KDM2B: variants seen among roughly 807,000 people sequenced by gnomAD.
KDM2B encodes lysine-specific demethylase 2B.
KDM2B carries 26 observed loss-of-function variants against 150.0 expected under a neutral mutation model. The ratio of observed to expected loss-of-function variants is 0.17; its 90% CI spans 0.13 to 0.24. KDM2B has a LOEUF of 0.24. Ranked by LOEUF, KDM2B falls within the 10% of genes least tolerant of loss-of-function variation. The probability of loss-of-function intolerance (pLI) is 1.00; values close to 1 mark genes in which losing one functional copy is unlikely to be tolerated. For missense variants in KDM2B, 1,265 were observed against 1,816.9 expected (o/e 0.70, Z 5.52); for synonymous variants, 734 against 729.5 (o/e 1.01, Z -0.10).
Position 121,515,673 on chromosome 12 carries a change from G to A in KDM2B, c.1048-2271C>T, listed in dbSNP as rs371238007. 2.6e-4 allele frequency among the ~76,000 whole-genome samples: 40 copies of A among 151,738 alleles called. No individual in the cohort carries two copies. In the East Asian group the frequency reaches 4.2e-3, roughly 16 times the overall value. On this transcript the variant is annotated intron_variant, in intron 9 of 22. Coordinates refer to ENST00000377071, the MANE Select transcript of KDM2B (RefSeq NM_032590.5). Reference sequence around the variant, plus strand: ...TTTTGCTGCATTTCTCAAAGTGCCCGTCTGGAAAAGGCCCAAACCCAGCGT... The same window carrying A: ...TTTTGCTGCATTTCTCAAAGTGCCCATCTGGAAAAGGCCCAAACCCAGCGT...
chr12:121,524,719 C>T (rs151150588), intron 8 of KDM2B: 4 of 453,914 alleles, frequency 8.8e-6, no homozygotes, highest in Non-Finnish European at 1.8e-5. Flanking sequence ...GCATGAGAGC[C>T]GGTGCTCCCA....
At chr12:121,461,597 G>A (rs1397133539) in intron 12 of KDM2B, among the ~76,000 whole-genome samples, 2 of 152,110 alleles carry the variant, frequency 1.3e-5, no homozygotes, top group Non-Finnish European at 2.9e-5. Context: ...CAGACTTCTG[G>A]AGGACTTTGA....
intron 11 of KDM2B, among the ~76,000 whole-genome samples, chr12:121,499,030 C>T (rs1278635678): frequency 6.6e-6 from 1 of 151,702 alleles, no homozygotes; most frequent in Non-Finnish European, 1.5e-5. Flanking sequence ...AGGTTGGTCT[C>T]AAATTCCTAC....
At position 121,430,248 on chromosome 12, in the gene KDM2B, C is replaced by G. The variant is rs1872783840; in HGVS notation, c.*40G>C. Reference sequence around the variant, plus strand: ...CCCTCATTTTTGTAAAGTCTCTCCCCTCCCAGAGCCCGCCCCGTATTTACA... The same window carrying G: ...CCCTCATTTTTGTAAAGTCTCTCCCGTCCCAGAGCCCGCCCCGTATTTACA... On this transcript the variant is annotated 3_prime_UTR_variant, in exon 23 of 23. Coordinates refer to ENST00000377071, the MANE Select transcript of KDM2B (RefSeq NM_032590.5). This position sits in a 1 kb window ranked among gnomAD's most constrained non-coding sequence, Gnocchi z 4.4. The G allele has an allele frequency of 3.1e-6, 5 of 1,614,150 alleles. No individual in the cohort carries two copies. The highest frequency in any genetic ancestry group is 4.2e-6 in the Non-Finnish European group (5 of 1,180,020).
chr12:121,580,117 G>A (rs1372069588), intron 1 of KDM2B: 8 of 1,575,654 alleles, frequency 5.1e-6, no homozygotes, highest in Non-Finnish European at 6.8e-6. Flanking sequence ...GCCGAGGGGG[G>A]AAGGAGGGAA....
At chr12:121,477,128 A>G (rs1881472806) in intron 12 of KDM2B, among the ~76,000 whole-genome samples, 1 of 151,966 alleles carries the variant, frequency 6.6e-6, no homozygotes, top group Admixed American at 6.6e-5. Flanking sequence ...GCTGGAGTGC[A>G]GTGGTGCCAA....
chr12:121,493,653 C>CTTGACCTT (rs1883599790), intron 12 of KDM2B, among the ~76,000 whole-genome samples: 1 of 152,082 alleles, frequency 6.6e-6, no homozygotes, highest in Non-Finnish European at 1.5e-5. Context: ...TAACGGGTGA[C>CTTGACCTT]TTGACCTTTT....
chr12:121,415,447 C>CTGTCT, the KDM2B span: 2 of 188,362 alleles, frequency 1.1e-5, no homozygotes, highest in Non-Finnish European at 1.2e-5. Context: ...ATGGTGAAAC[C>CTGTCT]CAATCTCTAC....
At chr12:121,485,190 A>G (rs1456835500) in intron 12 of KDM2B, among the ~76,000 whole-genome samples, 1 of 152,244 alleles carries the variant, frequency 6.6e-6, no homozygotes, top group East Asian at 1.9e-4. Context: ...ATGAAGCCCT[A>G]GTCGACTAAT....
chr12:121,477,917 A>T (rs1431972471), intron 12 of KDM2B, among the ~76,000 whole-genome samples: 1 of 151,704 alleles, frequency 6.6e-6, no homozygotes, highest in African/African-American at 2.4e-5. Context: ...CATTAAAAAA[A>T]TTTTTATGGA....
intron 22 of KDM2B, among the ~76,000 whole-genome samples, chr12:121,435,028 C>T (rs2137626976): frequency 8.0e-6 from 1 of 124,806 alleles, no homozygotes; most frequent in South Asian, 3.0e-4. Flanking sequence ...AAATCACAGC[C>T]AACAAAGGGA....
chr12:121,447,772 A>G (rs1876522506), intron 13 of KDM2B, among the ~76,000 whole-genome samples: 1 of 151,518 alleles, frequency 6.6e-6, no homozygotes, highest in Admixed American at 6.6e-5. Context: ...GGTTCAAGCG[A>G]TTCTCCCACC....
the KDM2B span, chr12:121,420,006 T>C: frequency 2.4e-6 from 1 of 418,842 alleles, no homozygotes; most frequent in Non-Finnish European, 4.5e-6. Flanking sequence ...TCTGGTTAGA[T>C]TTTATAACTT....
Position 121,453,637 on chromosome 12 carries a change from C to G in KDM2B, c.1735-293G>C, listed in dbSNP as rs1159691486. On this transcript the variant is annotated intron_variant, in intron 12 of 22. Coordinates refer to ENST00000377071, the MANE Select transcript of KDM2B (RefSeq NM_032590.5). This position sits in a 1 kb window ranked among gnomAD's most constrained non-coding sequence, Gnocchi z 6.4. ...TAGAGAACGTGTGTGAAGACACAGG[C>G]CTTCCACAGACTGGAGCCCTGTCTA... 6.6e-6 allele frequency among the ~76,000 whole-genome samples: 1 copy of G among 152,130 alleles called. No individual in the cohort carries two copies. Among genetic ancestry groups the G allele is most frequent in the Non-Finnish European group, 1.5e-5 (1 of 68,020 alleles).
At position 121,580,884 on chromosome 12, in the gene KDM2B, C is replaced by A; in HGVS notation, c.28G>T (p.Ala10Ser). MAGPQMGGS[A>S]EDHPPRKRHA... Reference sequence around the variant, plus strand: ...CTTTTTCGTGGGGGGTGATCCTCTGCAGATCCCCCCATTTGCGGACCCGCC... The same window carrying A: ...CTTTTTCGTGGGGGGTGATCCTCTGAAGATCCCCCCATTTGCGGACCCGCC... Residue 10 changes from alanine (A) to serine (S), a missense_variant, in exon 1 of 23, where the codon GCA becomes TCA. By Grantham distance (99) the Ala-to-Ser change is moderately conservative. Around this residue, in one of 11 missense-constraint regions of KDM2B, gnomAD observed 53 missense variants for 56.0 expected, o/e 0.95. Transcript: ENST00000377071. The A allele has an allele frequency of 6.2e-7, 1 of 1,613,880 alleles. No homozygotes were observed. The highest frequency in any genetic ancestry group is 1.1e-5 in the South Asian group (1 of 91,006).
Position 121,509,715 on chromosome 12 carries a change from G to A in KDM2B, c.1499C>T (p.Thr500Met), listed in dbSNP as rs782102634. The A allele has an allele frequency of 1.3e-5, 21 of 1,614,010 alleles. 1 individual carries two copies. The highest frequency in any genetic ancestry group is 8.0e-5 in the African/African-American group (6 of 74,924). Residue 500 changes from threonine to methionine, a missense_variant, in exon 11 of 23, where the codon ACG (threonine) becomes ATG (methionine). Thr to Met is a moderately conservative substitution (Grantham distance 81, BLOSUM62 -1). Around this residue, in one of 11 missense-constraint regions of KDM2B, gnomAD observed 154 missense variants for 162.5 expected, o/e 0.95. Coordinates refer to ENST00000377071, the MANE Select transcript of KDM2B (RefSeq NM_032590.5). ...ATGGGTCCATTTGGCAGAGACCTCC[G>A]TGGCGGGAGAGCCGGTGGGGGTCTT... ...YPKTPTGSPA[T>M]EVSAKWTHLT...
intron 8 of KDM2B, among the ~76,000 whole-genome samples, chr12:121,528,013 G>A (rs1446570739): frequency 6.6e-6 from 1 of 152,206 alleles, no homozygotes; most frequent in African/African-American, 2.4e-5. Context: ...TCCACCTCCA[G>A]CTTTCCTTAC....
At chr12:121,464,704 TA>T (rs1879620894) in intron 12 of KDM2B, among the ~76,000 whole-genome samples, 1 of 152,210 alleles carries the variant, frequency 6.6e-6, no homozygotes, top group South Asian at 2.1e-4. Flanking sequence ...TGGGCAAGTC[TA>T]CTTGTTCATC....
chr12:121,549,912 A>T lies in KDM2B; in HGVS notation c.398-274T>A, dbSNP rs546197180. 6.6e-6 allele frequency among the ~76,000 whole-genome samples: 1 copy of T among 152,328 alleles called. No homozygotes were observed. Among genetic ancestry groups the T allele is most frequent in the Admixed American group, 6.5e-5 (1 of 15,296 alleles). ...CCCAAGCAGCTGGGCATGGTGGCTT[A>T]AGGCTGTAATCCCAGCACTTTGGGA... On this transcript the variant is annotated intron_variant, in intron 4 of 22. Transcript: ENST00000377071. The surrounding 1 kb of genome is among the most constrained non-coding windows in gnomAD (Gnocchi z 4.4).
Sources: allele counts gnomAD v4.1 joint callset (sites outside exome capture counted in the v4.1 genomes callset), GRCh38; gene constraint gnomAD v4.1.1; regional missense constraint gnomAD v4.1.1; non-coding constraint Gnocchi (gnomAD v3.1); transcripts MANE v1.5; gene names NCBI Gene and HGNC (gene_info 2026-07-23, HGNC 2026-07-21).